The following HUWE1 variants were observed in gnomAD, a reference collection of about 807,000 sequenced individuals.
HUWE1 encodes E3 ubiquitin-protein ligase HUWE1.
In HUWE1, 18 loss-of-function variants were observed where a neutral mutation model predicts 299.4. That is an observed-to-expected ratio of 0.06 (90% CI 0.04 to 0.09). HUWE1 has a LOEUF of 0.09. Among genes scored for constraint, HUWE1 ranks in the 10% least tolerant of loss-of-function variants. HUWE1 has a pLI of 1.00. For synonymous variants in HUWE1, 1,317 were observed against 1,286.1 expected (o/e 1.02, Z -0.51); for missense variants, 1,832 against 3,462.3 (o/e 0.53, Z 11.82).
intron 53 of HUWE1, 127 bp from the exon 54 acceptor site, chrX:53,562,371 G>A (rs2062335759): frequency 2.3e-6 from 2 of 883,477 alleles, no homozygotes. Flanking sequence ...ACCAGATCTG[G>A]GGTGATGTAC....
intron 43 of HUWE1, among the ~76,000 whole-genome samples, chrX:53,578,706 C>T (rs1479512724): frequency 1.4e-4 from 11 of 76,004 alleles, no homozygotes; most frequent in Non-Finnish European, 2.0e-4. Flanking sequence ...CCTGGCCAGC[C>T]GCCCCGTCCG....
At chrX:53,563,007 T>G in intron 52 of HUWE1, 78 bp from the exon 53 acceptor site, 2 of 832,335 alleles carry the variant, frequency 2.4e-6, no homozygotes, top group Non-Finnish European at 1.8e-6. Flanking sequence ...AAAGTAGCTA[T>G]GTACACCTAG....
chrX:53,668,162 G>A (rs1193037332), intron 3 of HUWE1, among the ~76,000 whole-genome samples: 2 of 110,447 alleles, frequency 1.8e-5, no homozygotes, highest in African/African-American at 3.3e-5. Flanking sequence ...AAACCTCCCC[G>A]GCCGGGCGCG....
chrX:53,628,108 T>C (rs1461852865), intron 15 of HUWE1, among the ~76,000 whole-genome samples: 2 of 111,071 alleles, frequency 1.8e-5, no homozygotes, highest in East Asian at 5.6e-4. Context: ...GTAAGATATT[T>C]AGGGAGAAAA....
At chrX:53,563,578 C>T (rs1457748981) in intron 52 of HUWE1, among the ~76,000 whole-genome samples, 168 bp downstream of exon 52, 5 of 111,626 alleles carry the variant, frequency 4.5e-5, no homozygotes, top group African/African-American at 1.6e-4. Context: ...GGCCTGTAGA[C>T]GTCTTGTGAA....
chrX:53,571,548 G>GTACCA (rs2062827741), intron 47 of HUWE1, among the ~76,000 whole-genome samples: 1 of 111,695 alleles, frequency 9.0e-6, no homozygotes, highest in Admixed American at 9.5e-5. Flanking sequence ...GCTGCAGTGA[G>GTACCA]CTATGATTGT....
intron 49 of HUWE1, 61 bp downstream of exon 49, chrX:53,568,631 A>AC: frequency 4.6e-6 from 5 of 1,088,556 alleles, no homozygotes; most frequent in African/African-American, 1.8e-5. Flanking sequence ...AGCTACCTCC[A>AC]CATCATTCGT....
chrX:53,657,428 A>G (rs2068798258), intron 3 of HUWE1, among the ~76,000 whole-genome samples: 1 of 111,941 alleles, frequency 8.9e-6, no homozygotes, highest in Admixed American at 9.5e-5. Flanking sequence ...CAGGAGGCTG[A>G]GGCAGGAGAA....
At chrX:53,634,086 G>A (rs1557024741) in intron 8 of HUWE1, 150 bp downstream of exon 8, 5 of 508,582 alleles carry the variant, frequency 9.8e-6, no homozygotes, top group East Asian at 3.6e-5. Flanking sequence ...TCCTATAGAC[G>A]TGGTTCAGCT....
Position 53,589,790 on chromosome X carries a change from C to T in HUWE1, c.4218G>A (p.Glu1406=). The T allele has an allele frequency of 8.3e-7, 1 of 1,209,765 alleles. No homozygotes were observed. The highest frequency in any genetic ancestry group is 1.1e-6 in the Non-Finnish European group (1 of 894,462). ...PEEVACRKEE[E]ERKAREKQEE... is the part of the protein sequence containing the mutation. ...CCTGCTTTTCCCGAGCTTTCCGTTC[C>T]TCTTCCTCCTTCCGGCAAGCAACTT... The change falls in exon 36 of 84, where the codon GAG becomes GAA. Residue 1406 remains glutamate, a synonymous_variant. Coordinates refer to ENST00000262854, the MANE Select transcript of HUWE1 (RefSeq NM_031407.7).
chrX:53,625,520 T>C, intron 17 of HUWE1: 1 of 285,221 alleles, frequency 3.5e-6, no homozygotes, highest in Non-Finnish European at 6.1e-6. Context: ...ACTTTTTTTT[T>C]ACCTCACTCA....
At chrX:53,589,931 A>C in intron 35 of HUWE1, 115 bp from the exon 36 acceptor site, 1 of 810,950 alleles carries the variant, frequency 1.2e-6, no homozygotes. Flanking sequence ...CCTTCTCCTC[A>C]AGCGGTTGAT....
At chrX:53,662,239 T>C (rs1437681912) in intron 3 of HUWE1, among the ~76,000 whole-genome samples, 1 of 111,593 alleles carries the variant, frequency 9.0e-6, no homozygotes, top group Non-Finnish European at 1.9e-5. Flanking sequence ...TAGATCAGAA[T>C]ACAGACTCAG....
chrX:53,652,449 T>C (rs1398734386), intron 4 of HUWE1, among the ~76,000 whole-genome samples: 2 of 112,346 alleles, frequency 1.8e-5, no homozygotes, highest in Non-Finnish European at 3.8e-5. Context: ...TATTACCATA[T>C]ATCTAGTTCT....
rs782479743 is a variant in HUWE1 at position 53,672,736 on chromosome X, A to G, written c.-25+7313T>C. ...ATGTTCATTGTGCTATGTTTTCAGC[A>G]TTTTTGTTTGAAATTTTTCATACAA... On this transcript the variant is annotated intron_variant, in intron 3 of 83. Coordinates refer to ENST00000262854, the MANE Select transcript of HUWE1 (RefSeq NM_031407.7). 3.2e-4 allele frequency among the ~76,000 whole-genome samples: 36 copies of G among 112,151 alleles called. 1 individual carries two copies. In the Admixed American group the frequency reaches 3.2e-3, roughly 10 times the overall value.
Position 53,645,341 on chromosome X carries a change from C to G in HUWE1, c.474G>C (p.Pro158=). ...ITRLGSDKRT[P]LLTRLQHLAE... ...CCAAATGTTGTAGCCGAGTTAGCAG[C>G]GGGGTCCTCTTGTCAGATCCCAGAC... The change falls in exon 7 of 84, where the codon CCG becomes CCC. Residue 158 remains proline, a synonymous_variant. Coordinates refer to ENST00000262854, the MANE Select transcript of HUWE1 (RefSeq NM_031407.7). 8.3e-7 allele frequency: 1 copy of G among 1,210,993 alleles called. No homozygotes were observed. Among genetic ancestry groups the G allele is most frequent in the Non-Finnish European group, 1.1e-6 (1 of 895,247 alleles).
intron 61 of HUWE1, 69 bp downstream of exon 61, chrX:53,554,564 A>C: frequency 9.3e-7 from 1 of 1,079,820 alleles, no homozygotes; most frequent in South Asian, 1.9e-5. Context: ...AAAAGAGCAA[A>C]GAGAAGCTAC....
chrX:53,661,470 A>T (rs2069001920), intron 3 of HUWE1, among the ~76,000 whole-genome samples: 3 of 111,861 alleles, frequency 2.7e-5, no homozygotes, highest in Non-Finnish European at 5.6e-5. Context: ...AGGGCCCAAG[A>T]TGAGAAGCTG....
intron 48 of HUWE1, 71 bp downstream of exon 48, chrX:53,569,545 C>T (rs2062727200): frequency 2.9e-6 from 3 of 1,025,222 alleles, no homozygotes; most frequent in South Asian, 3.8e-5. Context: ...AGTGCAAAAC[C>T]ACCCATGGAC....
Sources: allele counts gnomAD v4.1 joint callset (sites outside exome capture counted in the v4.1 genomes callset), GRCh38; gene constraint gnomAD v4.1.1; transcripts MANE v1.5; gene names NCBI Gene and HGNC (gene_info 2026-07-23, HGNC 2026-07-21).